ASB3: variants seen among roughly 807,000 people sequenced by gnomAD.
ASB3 encodes the protein ankyrin repeat and SOCS box containing 3.
A neutral mutation model predicts 54.5 loss-of-function variants in ASB3; 41 were observed. That is an observed-to-expected ratio of 0.75 (90% CI 0.59 to 0.98). The LOEUF is 0.98. Among genes scored for constraint, ASB3 ranks in the 50% least tolerant of loss-of-function variants. The pLI is 0.00. For missense variants in ASB3, 733 were observed against 620.0 expected (o/e 1.18, Z -1.94); for synonymous variants, 266 against 221.2 (o/e 1.20, Z -1.80).
intron 3 of ASB3, among the ~76,000 whole-genome samples, chr2:53,729,903 A>C (rs1166911234): frequency 6.6e-6 from 1 of 152,226 alleles, no homozygotes; most frequent in Non-Finnish European, 1.5e-5. Context: ...CAGAATCAAC[A>C]GTACCAGTCT....
intron 7 of ASB3, among the ~76,000 whole-genome samples, chr2:53,704,062 T>C (rs561634819): frequency 6.6e-6 from 1 of 152,212 alleles, no homozygotes; most frequent in South Asian, 2.1e-4. Flanking sequence ...CGTGTATCAC[T>C]CATTAAGAAA....
At chr2:53,691,605 C>T (rs1294211102) in intron 9 of ASB3, among the ~76,000 whole-genome samples, 1 of 152,046 alleles carries the variant, frequency 6.6e-6, no homozygotes, top group African/African-American at 2.4e-5. Flanking sequence ...CCTGATCATG[C>T]TTCTGCTTAC....
At chr2:53,718,311 T>C (rs904025978) in intron 5 of ASB3, among the ~76,000 whole-genome samples, 2 of 151,954 alleles carry the variant, frequency 1.3e-5, no homozygotes, top group African/African-American at 2.4e-5. Context: ...AAAGGAACAG[T>C]GGACTTCTCA....
At chr2:53,737,373 T>G (rs371723125) in intron 3 of ASB3, among the ~76,000 whole-genome samples, 6 of 152,134 alleles carry the variant, frequency 3.9e-5, no homozygotes, top group African/African-American at 1.4e-4. Context: ...AGACAGAGAT[T>G]AGAATTTAAG....
intron 9 of ASB3, among the ~76,000 whole-genome samples, chr2:53,675,714 T>C (rs1489830007): frequency 6.6e-6 from 1 of 152,246 alleles, no homozygotes; most frequent in East Asian, 1.9e-4. Context: ...TTTTACTAAA[T>C]GGAGTTCAAA....
chr2:53,726,980 C>T (rs148350237), intron 5 of ASB3, among the ~76,000 whole-genome samples: 3 of 152,250 alleles, frequency 2.0e-5, no homozygotes, highest in African/African-American at 7.2e-5. Flanking sequence ...AGGCTAAACA[C>T]TAATAATTGA....
Position 53,714,414 on chromosome 2 carries a change from C to G in ASB3, c.950G>C (p.Ser317Thr), listed in dbSNP as rs749350778. ...TTGGAAAGCCATGCACACAGGAGAACTGAATCCAAAAACAAGGCACGCCTG... is the reference window on the plus strand; with the variant it reads ...TTGGAAAGCCATGCACACAGGAGAAGTGAATCCAAAAACAAGGCACGCCTG... Reference protein sequence around the residue: ...DAQACLVFGFSSPVCMAFQKD... With the variant: ...DAQACLVFGFTSPVCMAFQKD... The change falls in exon 7 of 10, where the codon AGT (serine) becomes ACT (threonine). Residue 317 changes from serine to threonine, a missense_variant. Coordinates refer to ENST00000263634, the MANE Select transcript of ASB3 (RefSeq NM_016115.5). The G allele has an allele frequency of 6.2e-7, 1 of 1,614,078 alleles. No homozygotes were observed. Among genetic ancestry groups the G allele is most frequent in the East Asian group, 2.2e-5 (1 of 44,900 alleles).
intron 3 of ASB3, among the ~76,000 whole-genome samples, chr2:53,741,555 G>A (rs1457727120): frequency 6.6e-6 from 1 of 152,148 alleles, no homozygotes; most frequent in Non-Finnish European, 1.5e-5. Context: ...ATTTTGAGTG[G>A]CACTGCTCTA....
intron 6 of ASB3, among the ~76,000 whole-genome samples, chr2:53,716,238 T>G (rs1670381226): frequency 1.3e-5 from 2 of 152,146 alleles, no homozygotes; most frequent in Non-Finnish European, 2.9e-5. Flanking sequence ...ATCAGATTGA[T>G]GCTTAAAGAT....
At chr2:53,701,671 T>C (rs887156515) in intron 7 of ASB3, among the ~76,000 whole-genome samples, 5 of 152,214 alleles carry the variant, frequency 3.3e-5, no homozygotes, top group Non-Finnish European at 5.9e-5. Context: ...CTGAGAAAGA[T>C]AGGATGAATG....
In ASB3 at chr2:53,670,599, C is replaced by G. The variant is rs1159955981; in HGVS notation, c.1461G>C (p.Gln487His). 2.4e-5 allele frequency: 39 copies of G among 1,613,784 alleles called. No individual in the cohort carries two copies. Among genetic ancestry groups the G allele is most frequent in the Non-Finnish European group, 3.2e-5 (38 of 1,179,956 alleles). The change falls in exon 10 of 10, where the codon CAG becomes CAC. Residue 487 changes from glutamine (Q) to histidine (H), a missense_variant. Coordinates refer to ENST00000263634, the MANE Select transcript of ASB3 (RefSeq NM_016115.5). ...ERLRSDSYIS[Q>H]LPLPRSLHNY... ...TATGTAGGCTTCTGGGAAGTGGCAGCTGACTAATATAACTGTCAGACCGTA... is the reference window on the plus strand; with the variant it reads ...TATGTAGGCTTCTGGGAAGTGGCAGGTGACTAATATAACTGTCAGACCGTA...
chr2:53,718,834 A>G (rs1370163953), intron 5 of ASB3, among the ~76,000 whole-genome samples: 2 of 152,174 alleles, frequency 1.3e-5, no homozygotes, highest in African/African-American at 4.8e-5. Flanking sequence ...ACATGTAACA[A>G]CACCCATAGG....
chr2:53,717,542 C>T (rs1670467309), intron 5 of ASB3, among the ~76,000 whole-genome samples: 1 of 151,928 alleles, frequency 6.6e-6, no homozygotes, highest in South Asian at 2.1e-4. Context: ...AGAAAAAAAT[C>T]CCACCTGCAT....
intron 1 of ASB3, among the ~76,000 whole-genome samples, chr2:53,776,188 A>G (rs1426404123): frequency 1.3e-5 from 2 of 152,188 alleles, no homozygotes; most frequent in Non-Finnish European, 2.9e-5. Context: ...ATGTTTTCCT[A>G]TTTATTAACA....
chr2:53,676,150 A>T (rs1270758776), intron 9 of ASB3, among the ~76,000 whole-genome samples: 1 of 152,240 alleles, frequency 6.6e-6, no homozygotes, highest in East Asian at 1.9e-4. Flanking sequence ...AAAACTATGG[A>T]TGTATAAACA....
chr2:53,678,378 C>G (rs931466000), intron 9 of ASB3, among the ~76,000 whole-genome samples: 1 of 152,142 alleles, frequency 6.6e-6, no homozygotes, highest in African/African-American at 2.4e-5. Context: ...TGGTAAATAA[C>G]AAGAGAATGC....
intron 5 of ASB3, among the ~76,000 whole-genome samples, chr2:53,723,746 A>G (rs1670840795): frequency 6.6e-6 from 1 of 152,228 alleles, no homozygotes; most frequent in African/African-American, 2.4e-5. Flanking sequence ...ACAAAGACCA[A>G]TGGAATAGAA....
intron 9 of ASB3, among the ~76,000 whole-genome samples, chr2:53,678,325 C>G (rs1370037020): frequency 6.6e-6 from 1 of 152,132 alleles, no homozygotes; most frequent in Non-Finnish European, 1.5e-5. Flanking sequence ...CCGCCTTCAA[C>G]CCGGTAACCC....
rs1164694401 is a variant in ASB3 at position 53,728,699 on chromosome 2, T to C, written c.604+13A>G. 3 of 1,582,730 alleles carry C rather than the reference T, an allele frequency of 1.9e-6. No individual in the cohort carries two copies. Among genetic ancestry groups the C allele is most frequent in the Non-Finnish European group, 1.7e-6 (2 of 1,164,586 alleles). ...ATGATCTTAACAGTACAAAGGCTAA[T>C]GGATAATCTTACCCGATGAAATAAG... On this transcript the variant is annotated intron_variant, in intron 5 of 9. Transcript: ENST00000263634.
Sources: gnomAD v4.1 joint callset for allele counts (sites outside exome capture counted in the v4.1 genomes callset) on GRCh38, gnomAD v4.1.1 for gene constraint, MANE v1.5 for transcripts, NCBI Gene and HGNC (gene_info 2026-07-23, HGNC 2026-07-21) for gene names.